The following SCHIP1 variants were observed in gnomAD, a reference collection of about 807,000 sequenced individuals.
SCHIP1 encodes the protein schwannomin interacting protein 1.
SCHIP1 carries 8 observed loss-of-function variants against 29.7 expected under a neutral mutation model. The ratio of observed to expected loss-of-function variants is 0.27; its 90% CI spans 0.16 to 0.49. The LOEUF (loss-of-function observed/expected upper bound fraction) is 0.49, where lower values mean the gene tolerates loss of function less well. SCHIP1 is among the 20% of genes least tolerant of loss of function. The probability of loss-of-function intolerance (pLI) is 0.99; values close to 1 mark genes in which losing one functional copy is unlikely to be tolerated. For synonymous variants in SCHIP1, 76 were observed against 94.9 expected (o/e 0.80, Z 1.16); for missense variants, 193 against 294.6 (o/e 0.66, Z 2.52).
chr3:159,809,675 A>G, the SCHIP1 span, among the ~76,000 whole-genome samples: 11 of 152,054 alleles, frequency 7.2e-5, no homozygotes, highest in Non-Finnish European at 1.2e-4. Context: ...AAAAAAAAAA[A>G]AAGAAGCTAA....
the SCHIP1 span, among the ~76,000 whole-genome samples, chr3:159,511,326 A>G: frequency 1.1e-4 from 17 of 152,344 alleles, no homozygotes; most frequent in East Asian, 3.3e-3. Context: ...AAAGCACAGT[A>G]TTAGGGTGGG....
At chr3:159,797,317 C>G in the SCHIP1 span, among the ~76,000 whole-genome samples, 241 of 152,292 alleles carry the variant, frequency 1.6e-3, no homozygotes, top group African/African-American at 5.6e-3. Context: ...GTAATTTCCT[C>G]AGTCTTACCT....
the SCHIP1 span, among the ~76,000 whole-genome samples, chr3:159,740,168 A>G: frequency 6.6e-6 from 1 of 152,230 alleles, no homozygotes; most frequent in African/African-American, 2.4e-5. Flanking sequence ...CAATGTGGAA[A>G]CTTGTCAGTT....
chr3:159,388,192 CCTGGAA>C, the SCHIP1 span, among the ~76,000 whole-genome samples: 7 of 152,028 alleles, frequency 4.6e-5, no homozygotes, highest in Middle Eastern at 3.4e-3. Context: ...TGAAACTCTA[CCTGGAA>C]TATCTAAGAC....
the SCHIP1 span, among the ~76,000 whole-genome samples, chr3:159,547,634 G>A: frequency 6.6e-6 from 1 of 152,090 alleles, no homozygotes; most frequent in African/African-American, 2.4e-5. Flanking sequence ...TCTGCATATG[G>A]CTAGCCAGTT....
the SCHIP1 span, among the ~76,000 whole-genome samples, chr3:159,692,047 A>T: frequency 8.4e-5 from 9 of 106,806 alleles, no homozygotes; most frequent in Admixed American, 1.4e-4. Context: ...TTTGAGACGG[A>T]GTCTCGCTCT....
intron 2 of SCHIP1, among the ~76,000 whole-genome samples, chr3:159,885,579 G>A (rs891390959): frequency 3.9e-5 from 6 of 152,182 alleles, no homozygotes; most frequent in Non-Finnish European, 7.3e-5. Flanking sequence ...GCAGAACCTT[G>A]CTGTGTTCTA....
chr3:159,497,569 G>A, the SCHIP1 span, among the ~76,000 whole-genome samples: 2 of 151,794 alleles, frequency 1.3e-5, no homozygotes, highest in African/African-American at 4.8e-5. Context: ...GAATTAAGAT[G>A]CCAATATTTA....
At chr3:159,318,772 C>CTGA in the SCHIP1 span, among the ~76,000 whole-genome samples, 1 of 152,160 alleles carries the variant, frequency 6.6e-6, no homozygotes, top group South Asian at 2.1e-4. Flanking sequence ...CCACTTCCAT[C>CTGA]TGATTATGGA....
the SCHIP1 span, among the ~76,000 whole-genome samples, chr3:159,462,511 C>T: frequency 6.6e-6 from 1 of 152,132 alleles, no homozygotes; most frequent in African/African-American, 2.4e-5. Context: ...TTCTCTCCTG[C>T]TCTTTGGCAG....
At chr3:159,409,218 G>C in the SCHIP1 span, among the ~76,000 whole-genome samples, 37 of 152,002 alleles carry the variant, frequency 2.4e-4, no homozygotes, top group African/African-American at 8.4e-4. Context: ...TTTTCTCTAA[G>C]ATCTGGAACA....
At chr3:159,645,655 G>A in the SCHIP1 span, among the ~76,000 whole-genome samples, 18 of 152,092 alleles carry the variant, frequency 1.2e-4, no homozygotes, top group African/African-American at 4.3e-4. Flanking sequence ...AAACCAGTGA[G>A]GGAGCCATTG....
chr3:159,713,108 T>TCGAG, the SCHIP1 span, among the ~76,000 whole-genome samples: 3 of 142,238 alleles, frequency 2.1e-5, no homozygotes, highest in African/African-American at 8.0e-5. Context: ...TGAGCCAAGA[T>TCGAG]CGAGCCATTG....
chr3:159,584,837 G>A, the SCHIP1 span, among the ~76,000 whole-genome samples: 1 of 151,984 alleles, frequency 6.6e-6, no homozygotes, highest in Non-Finnish European at 1.5e-5. Context: ...TTCCTAGGTA[G>A]TTTGCTCTCA....
the SCHIP1 span, among the ~76,000 whole-genome samples, chr3:159,280,144 T>C: frequency 1.3e-5 from 2 of 152,126 alleles, no homozygotes; most frequent in African/African-American, 4.8e-5. Flanking sequence ...AAAGCCAAAC[T>C]CCAGTGTCCC....
chr3:159,691,266 G>T, the SCHIP1 span, among the ~76,000 whole-genome samples: 1 of 152,048 alleles, frequency 6.6e-6, no homozygotes, highest in South Asian at 2.1e-4. Flanking sequence ...ATGAATATAG[G>T]TGCTCCTGTA....
chr3:159,669,500 TAA>T, the SCHIP1 span, among the ~76,000 whole-genome samples: 1 of 152,212 alleles, frequency 6.6e-6, no homozygotes. Flanking sequence ...TGTGAAAACT[TAA>T]AATTAGCAGT....
chr3:159,807,337 A>G, the SCHIP1 span, among the ~76,000 whole-genome samples: 3 of 152,178 alleles, frequency 2.0e-5, no homozygotes, highest in Admixed American at 2.0e-4. Context: ...GTATGAATAA[A>G]CGGGCAAGTA....
chr3:159,691,119 A>G, the SCHIP1 span, among the ~76,000 whole-genome samples: 1 of 152,204 alleles, frequency 6.6e-6, no homozygotes, highest in Non-Finnish European at 1.5e-5. Context: ...TGCTTGGTCC[A>G]GAGCTGAGTT....
Sources: gnomAD v4.1 joint callset for allele counts (sites outside exome capture counted in the v4.1 genomes callset) on GRCh38, gnomAD v4.1.1 for gene constraint, MANE v1.5 for transcripts, NCBI Gene and HGNC (gene_info 2026-07-23, HGNC 2026-07-21) for gene names.